Variants in LYRM1 observed in about 807,000 individuals in gnomAD.
LYRM1 encodes the protein LYR motif containing 1.
In LYRM1, 14 loss-of-function variants were observed where a neutral mutation model predicts 14.9. That is an observed-to-expected ratio of 0.94 (90% CI 0.62 to 1.47). The LOEUF is 1.47. LYRM1 is among the 40% of genes most tolerant of loss of function. The probability of loss-of-function intolerance (pLI) is 0.00; values close to 1 mark genes in which losing one functional copy is unlikely to be tolerated. For synonymous variants in LYRM1, 43 were observed against 56.2 expected, an observed-to-expected ratio of 0.77 and a Z score of 1.05; for missense variants, 153 against 149.9, an observed-to-expected ratio of 1.02 and a Z score of -0.11.
rs1395291922 is a variant in LYRM1 at position 20,909,438 on chromosome 16, T to A, written c.1-6118T>A. ...GAAGGTTAACTTTTAAAAATCTACA[T>A]GGATAGACTTCGTGACCAGCTGAGA... On this transcript the variant is annotated intron_variant, in intron 1 of 3. Transcript: ENST00000567954. Among the ~76,000 whole-genome samples the A allele has an allele frequency of 2.6e-5, 4 of 152,346 alleles. No homozygotes were observed. The East Asian group carries it at 5.8e-4, about 22-fold the overall frequency.
intron 1 of LYRM1, among the ~76,000 whole-genome samples, chr16:20,914,189 T>C (rs1032898172): frequency 2.0e-5 from 3 of 151,716 alleles, no homozygotes; most frequent in Non-Finnish European, 4.4e-5. Flanking sequence ...AAAAAGGTTG[T>C]GACAGACTAA....
chr16:20,901,647 C>A lies in LYRM1; in HGVS notation c.-1+758C>A, dbSNP rs1215935995. The stretch of plus-strand genomic sequence containing the variant: ...AGTTGGGGAAGTGGCATGACTGTAG[C>A]AGCGCCTTTTAGCCCAAGGCAGGGG... On this transcript the variant is annotated intron_variant, in intron 1 of 3. Coordinates refer to ENST00000567954, the MANE Select transcript of LYRM1 (RefSeq NM_001128302.3). The surrounding 1 kb of genome is among the most constrained non-coding windows in gnomAD (Gnocchi z 4.6). 6.6e-6 allele frequency among the ~76,000 whole-genome samples: 1 copy of A among 152,268 alleles called. No homozygotes were observed. Among genetic ancestry groups the A allele is most frequent in the East Asian group, 1.9e-4 (1 of 5,202 alleles).
intron 3 of LYRM1, 115 bp downstream of exon 3, chr16:20,920,329 G>A (rs758022526): frequency 1.3e-6 from 1 of 793,918 alleles, no homozygotes; most frequent in Non-Finnish European, 2.2e-6. Flanking sequence ...GCTGCTGTGG[G>A]AGGCATGTTG....
At chr16:20,922,499 C>T (rs2083248122) in intron 3 of LYRM1, among the ~76,000 whole-genome samples, 1 of 150,602 alleles carries the variant, frequency 6.6e-6, no homozygotes, top group Admixed American at 6.6e-5. Flanking sequence ...TTTTTTGGTT[C>T]TTTTTTTTTA....
rs956784283 is a variant in LYRM1, at chr16:20,900,796, G to C, written c.-94G>C. Reference sequence around the variant, plus strand: ...CTACTGGACCAGCCTGTGCTCGGTCGGCCACGGCTCTGCTGGGCTCCTGGC... The same window carrying C: ...CTACTGGACCAGCCTGTGCTCGGTCCGCCACGGCTCTGCTGGGCTCCTGGC... On this transcript the variant is annotated 5_prime_UTR_variant, in exon 1 of 4. Coordinates refer to ENST00000567954, the MANE Select transcript of LYRM1 (RefSeq NM_001128302.3). The C allele has an allele frequency of 6.6e-6, 1 of 152,484 alleles. No individual in the cohort carries two copies. Among genetic ancestry groups the C allele is most frequent in the Non-Finnish European group, 1.5e-5 (1 of 68,326 alleles). The allele number at this position is 152,484 out of a possible 1,614,324, so 9.4% of individuals were successfully genotyped here.
At chr16:20,922,427 T>C (rs548836689) in intron 3 of LYRM1, among the ~76,000 whole-genome samples, 1 of 152,308 alleles carries the variant, frequency 6.6e-6, no homozygotes, top group South Asian at 2.1e-4. Flanking sequence ...AGAGATTTAT[T>C]ATGAGGAATT....
Position 20,901,801 on chromosome 16 carries a change from C to G in LYRM1, c.-1+912C>G. Among the ~76,000 whole-genome samples, 1 of 149,704 alleles carries G rather than the reference C, an allele frequency of 6.7e-6. No individual in the cohort carries two copies. The highest frequency in any genetic ancestry group is 2.6e-5 in the African/African-American group (1 of 39,088). Reference sequence around the variant, plus strand: ...AGTTAGACCTGTTAGGAGACTGTTGCACTGTAAGACAAAGGAGAGGTGAAG... The same window carrying G: ...AGTTAGACCTGTTAGGAGACTGTTGGACTGTAAGACAAAGGAGAGGTGAAG... On this transcript the variant is annotated intron_variant, in intron 1 of 3. Coordinates refer to ENST00000567954, the MANE Select transcript of LYRM1 (RefSeq NM_001128302.3). This position sits in a 1 kb window ranked among gnomAD's most constrained non-coding sequence, Gnocchi z 4.6.
At chr16:20,908,114 T>C (rs896669718) in intron 1 of LYRM1, among the ~76,000 whole-genome samples, 10 of 152,118 alleles carry the variant, frequency 6.6e-5, no homozygotes, top group Admixed American at 2.0e-4. Flanking sequence ...GTTGGCTCCA[T>C]TGGAGTCAGA....
In LYRM1 at chr16:20,924,432, A is replaced by G. The variant is rs1044892072; in HGVS notation, c.*316A>G. ...TTCATGGGAATTCCATTCACCACAC[A>G]TGCCAGCTGATGCAAAGAAATTTGC... is the stretch of plus-strand genomic sequence containing the variant. On this transcript the variant is annotated 3_prime_UTR_variant, in exon 4 of 4. Transcript: ENST00000567954. 7 of 183,708 alleles carry G rather than the reference A, an allele frequency of 3.8e-5. No homozygotes were observed. The highest frequency in any genetic ancestry group is 1.1e-4 in the Admixed American group (2 of 17,522). 11.4% of individuals were successfully genotyped at this position (183,708 alleles called of 1,614,324 possible).
At chr16:20,914,529 C>T (rs1366115233) in intron 1 of LYRM1, among the ~76,000 whole-genome samples, 1 of 151,236 alleles carries the variant, frequency 6.6e-6, no homozygotes, top group Non-Finnish European at 1.5e-5. Flanking sequence ...CTTGAACTCC[C>T]GAGGTCAAGC....
chr16:20,906,278 A>C (rs1028852035), intron 1 of LYRM1, among the ~76,000 whole-genome samples: 1 of 152,262 alleles, frequency 6.6e-6, no homozygotes, highest in African/African-American at 2.4e-5. Context: ...AGGTGGAAGC[A>C]GCAAATAGGC....
At chr16:20,922,233 G>A (rs978050838) in intron 3 of LYRM1, among the ~76,000 whole-genome samples, 8 of 151,698 alleles carry the variant, frequency 5.3e-5, no homozygotes, top group African/African-American at 1.2e-4. Flanking sequence ...CAAGTGATCC[G>A]CCTGCCTTGG....
chr16:20,918,733 A>G (rs1010451789), intron 2 of LYRM1, among the ~76,000 whole-genome samples: 9 of 152,182 alleles, frequency 5.9e-5, no homozygotes, highest in Admixed American at 1.3e-4. Flanking sequence ...TAAGAGTTTA[A>G]TAATCCAAAG....
intron 3 of LYRM1, 27 bp from the exon 4 acceptor site, chr16:20,923,973 A>G (rs776482522): frequency 8.0e-7 from 1 of 1,257,094 alleles, no homozygotes. Context: ...GATGAATATG[A>G]TTCTTCATAT....
At chr16:20,905,040 A>C (rs1164780077) in intron 1 of LYRM1, among the ~76,000 whole-genome samples, 1 of 152,168 alleles carries the variant, frequency 6.6e-6, no homozygotes, top group Non-Finnish European at 1.5e-5. Context: ...TTTGCTGTAC[A>C]GGGATTATTA....
intron 3 of LYRM1, among the ~76,000 whole-genome samples, chr16:20,922,209 C>T (rs1340554692): frequency 1.3e-5 from 2 of 151,912 alleles, no homozygotes; most frequent in African/African-American, 2.4e-5. Flanking sequence ...AGGCTGGTCT[C>T]GAACTCCTGG....
intron 3 of LYRM1, chr16:20,922,148 C>T (rs2083227368): frequency 6.6e-6 from 1 of 151,990 alleles, no homozygotes; most frequent in African/African-American, 2.4e-5. Flanking sequence ...CACCACCACA[C>T]CCACCTAATT....
intron 1 of LYRM1, among the ~76,000 whole-genome samples, chr16:20,904,312 A>G (rs756836826): frequency 2.0e-5 from 3 of 152,164 alleles, no homozygotes; most frequent in African/African-American, 4.8e-5. Context: ...CTGGTATGAT[A>G]TATTTAGAAT....
At chr16:20,912,334 A>G (rs569759767) in intron 1 of LYRM1, among the ~76,000 whole-genome samples, 35 of 151,916 alleles carry the variant, frequency 2.3e-4, no homozygotes, top group African/African-American at 8.0e-4. Flanking sequence ...CAGTGGCGCA[A>G]TCTCGGCTCA....
Sources: allele counts gnomAD v4.1 joint callset (sites outside exome capture counted in the v4.1 genomes callset), GRCh38; gene constraint gnomAD v4.1.1; non-coding constraint Gnocchi (gnomAD v3.1); transcripts MANE v1.5; gene names NCBI Gene and HGNC (gene_info 2026-07-23, HGNC 2026-07-21).